Variants in PBX1 observed in about 807,000 individuals in gnomAD.
PBX1 encodes the protein PBX homeobox 1, also known as pre-B-cell leukemia transcription factor 1.
A neutral mutation model predicts 53.4 loss-of-function variants in PBX1; 6 were observed. The observed-to-expected ratio is 0.11, with a 90% CI of 0.06 to 0.22. The LOEUF (loss-of-function observed/expected upper bound fraction) is 0.22, where lower values mean the gene tolerates loss of function less well. Among genes scored for constraint, PBX1 ranks in the 10% least tolerant of loss-of-function variants. The probability of loss-of-function intolerance (pLI) is 1.00; values close to 1 mark genes in which losing one functional copy is unlikely to be tolerated. For synonymous variants in PBX1, 204 were observed against 212.3 expected (o/e 0.96, Z 0.34); for missense variants, 251 against 551.4 (o/e 0.46, Z 5.46).
In PBX1 at chr1:164,849,475, GA is replaced by G. The variant is rs1671726369; in HGVS notation, c.*2802del. ...TGGGTTTGGAAAGAGCATGCCTCTG[GA>G]AACACAGCTTCCTGGGAATTCACAT... is the stretch of plus-strand genomic sequence containing the variant. On this transcript the variant is annotated 3_prime_UTR_variant, in exon 9 of 9. Coordinates refer to ENST00000420696, the MANE Select transcript of PBX1 (RefSeq NM_002585.4). The G allele has an allele frequency of 6.5e-7, 1 of 1,531,972 alleles. No individual in the cohort carries two copies. The highest frequency in any genetic ancestry group is 8.7e-7 in the Non-Finnish European group (1 of 1,144,240). The allele number at this position is 1,531,972 out of a possible 1,614,324, so 94.9% of individuals were successfully genotyped here. A position where few individuals can be genotyped will look rare whatever the true frequency, so the allele number is the denominator to read the frequency against.
chr1:164,716,729 C>CACACACACACACACACACACACACAG (rs796685795), intron 2 of PBX1, among the ~76,000 whole-genome samples: 2 of 140,474 alleles, frequency 1.4e-5, no homozygotes, highest in African/African-American at 5.2e-5. Context: ...CACACACACA[C>CACACACACACACACACACACACACAG]AGAAATACAC....
chr1:164,831,683 A>G (rs1271238269), intron 8 of PBX1, among the ~76,000 whole-genome samples: 4 of 152,170 alleles, frequency 2.6e-5, no homozygotes, highest in African/African-American at 9.7e-5. Flanking sequence ...AACAAATGTA[A>G]TACACTTGTA....
chr1:164,647,916 G>A lies in PBX1; in HGVS notation c.265+84605G>A, dbSNP rs1659559912. On this transcript the variant is annotated intron_variant, in intron 2 of 8. Transcript: ENST00000420696. ...TGCAAACTCCGCCTCCCGGGTTCAT[G>A]CCATTCTCCTGCCTCAGCCTCCCGA... 2.6e-5 allele frequency among the ~76,000 whole-genome samples: 4 copies of A among 151,594 alleles called. 1 individual carries two copies. In the South Asian group the frequency reaches 8.3e-4, roughly 32 times the overall value.
At chr1:164,813,396 C>T (rs1167142258) in intron 6 of PBX1, 3 of 152,164 alleles carry the variant, frequency 2.0e-5, no homozygotes, top group African/African-American at 7.2e-5. Context: ...GGTTAGATTC[C>T]TATGAGGAGC....
chr1:164,741,812 C>T (rs982523458), intron 2 of PBX1, among the ~76,000 whole-genome samples: 3 of 150,646 alleles, frequency 2.0e-5, no homozygotes, highest in African/African-American at 7.3e-5. Context: ...CGATGAAGTA[C>T]TAGGGTGAAA....
chr1:164,758,437 G>T (rs1666637595), intron 2 of PBX1, among the ~76,000 whole-genome samples: 1 of 152,174 alleles, frequency 6.6e-6, no homozygotes, highest in South Asian at 2.1e-4. Flanking sequence ...GTGCCATGAT[G>T]CCAGGGATTG....
intron 1 of PBX1, chr1:164,560,279 AAC>A: frequency 2.5e-6 from 1 of 402,250 alleles, no homozygotes. Context: ...TATCCACACA[AAC>A]ACACAGGCAT....
At chr1:164,741,729 T>G (rs1030319780) in intron 2 of PBX1, among the ~76,000 whole-genome samples, 3 of 136,720 alleles carry the variant, frequency 2.2e-5, no homozygotes, top group African/African-American at 8.0e-5. Context: ...GGAGTGAGCA[T>G]GTATGAGTGA....
chr1:164,606,670 A>G (rs1167765498), intron 2 of PBX1, among the ~76,000 whole-genome samples: 1 of 152,222 alleles, frequency 6.6e-6, no homozygotes, highest in Non-Finnish European at 1.5e-5. Context: ...AAGCTCCATG[A>G]TGGCAGGGAC....
chr1:164,596,283 C>T (rs936230812), intron 2 of PBX1, among the ~76,000 whole-genome samples: 2 of 152,128 alleles, frequency 1.3e-5, no homozygotes, highest in African/African-American at 4.8e-5. Flanking sequence ...ATGGTAAAAT[C>T]GGGCCTCATT....
chr1:164,884,359 C>A (rs74118241), intron 2 of PBX1, among the ~76,000 whole-genome samples: 1,902 of 152,198 alleles, frequency 0.012, 34 homozygotes, highest in African/African-American at 0.043. Context: ...TAGGTCCAGG[C>A]CTTTTTCTTC....
intron 2 of PBX1, among the ~76,000 whole-genome samples, chr1:164,745,185 C>A (rs12082443): frequency 0.16 from 23,632 of 152,038 alleles, 2,390 homozygotes; most frequent in South Asian, 0.34. Flanking sequence ...GAAGTTTAGA[C>A]TATATAGTGA....
chr1:164,631,923 TC>T (rs1301515405), intron 2 of PBX1, among the ~76,000 whole-genome samples: 1 of 152,234 alleles, frequency 6.6e-6, no homozygotes, highest in Non-Finnish European at 1.5e-5. Context: ...ACTTGCTTGT[TC>T]CACAGGCAGA....
intron 2 of PBX1, among the ~76,000 whole-genome samples, chr1:164,584,874 A>G (rs1046881758): frequency 2.6e-5 from 4 of 151,960 alleles, no homozygotes; most frequent in Non-Finnish European, 5.9e-5. Flanking sequence ...TCATCTGCAA[A>G]ATCTCCTCTT....
intron 2 of PBX1, among the ~76,000 whole-genome samples, chr1:164,858,324 A>G (rs1167158931): frequency 6.6e-6 from 1 of 152,158 alleles, no homozygotes; most frequent in Non-Finnish European, 1.5e-5. Flanking sequence ...CAGGTTTGTA[A>G]AAATGTCACT....
intron 8 of PBX1, among the ~76,000 whole-genome samples, chr1:164,834,346 CTTTT>C (rs56872086): frequency 7.3e-6 from 1 of 137,060 alleles, no homozygotes; most frequent in Non-Finnish European, 1.6e-5. Context: ...ATTTTTCTTT[CTTTT>C]TTTTTTTTTT....
chr1:164,870,200 C>CT (rs1672316494), intron 2 of PBX1, among the ~76,000 whole-genome samples: 1 of 145,550 alleles, frequency 6.9e-6, no homozygotes, highest in Non-Finnish European at 1.6e-5. Context: ...GACTTTCTTT[C>CT]TTTCTTTCTT....
chr1:164,700,140 C>T (rs1025571507), intron 2 of PBX1, among the ~76,000 whole-genome samples: 4 of 152,180 alleles, frequency 2.6e-5, no homozygotes, highest in African/African-American at 9.7e-5. Context: ...GCTGATTTCC[C>T]TTTGTGGGTT....
intron 2 of PBX1, among the ~76,000 whole-genome samples, chr1:164,746,907 GC>G (rs1190006785): frequency 1.3e-5 from 2 of 152,170 alleles, no homozygotes; most frequent in African/African-American, 4.8e-5. Context: ...CTGATGTAGG[GC>G]CATTTGGGCC....
Sources: allele counts gnomAD v4.1 joint callset (sites outside exome capture counted in the v4.1 genomes callset), GRCh38; gene constraint gnomAD v4.1.1; transcripts MANE v1.5; gene names NCBI Gene and HGNC (gene_info 2026-07-23, HGNC 2026-07-21).